Variants in ADCY9 observed in about 807,000 individuals in gnomAD.
ADCY9 encodes the protein adenylate cyclase type 9.
ADCY9 carries 50 observed loss-of-function variants against 101.5 expected under a neutral mutation model. The ratio of observed to expected loss-of-function variants is 0.49; its 90% CI spans 0.39 to 0.62. The LOEUF (loss-of-function observed/expected upper bound fraction) is 0.62, where lower values mean the gene tolerates loss of function less well. ADCY9 is among the 20% of genes least tolerant of loss of function. The pLI, the probability that ADCY9 is intolerant of heterozygous loss-of-function variation, is 0.00. For missense variants in ADCY9, 1,662 were observed against 1,800.4 expected (o/e 0.92, Z 1.39); for synonymous variants, 905 against 769.3 (o/e 1.18, Z -2.92).
intron 3 of ADCY9, among the ~76,000 whole-genome samples, chr16:4,001,760 T>A (rs1002183189): frequency 8.3e-5 from 12 of 143,976 alleles, no homozygotes; most frequent in African/African-American, 2.3e-4. Context: ...TTATTGTTTT[T>A]TTTTTTTGAG....
intron 2 of ADCY9, among the ~76,000 whole-genome samples, chr16:4,106,945 C>A (rs779414212): frequency 6.6e-6 from 1 of 152,230 alleles, no homozygotes; most frequent in Non-Finnish European, 1.5e-5. Flanking sequence ...AGGCATTCTA[C>A]CTGAAAAGAC....
intron 2 of ADCY9, among the ~76,000 whole-genome samples, chr16:4,035,060 A>T (rs965096746): frequency 8.5e-5 from 13 of 152,226 alleles, no homozygotes; most frequent in Non-Finnish European, 1.8e-4. Flanking sequence ...CGTCTTCTAG[A>T]CAAGCCAAAT....
chr16:4,031,350 T>C (rs1555510659), intron 2 of ADCY9, among the ~76,000 whole-genome samples: 3 of 152,142 alleles, frequency 2.0e-5, no homozygotes, highest in Admixed American at 2.0e-4. Context: ...AGGACAAATA[T>C]AGATACACAC....
At chr16:3,995,686 A>C (rs17136664) in intron 3 of ADCY9, among the ~76,000 whole-genome samples, 5,730 of 151,938 alleles carry the variant, frequency 0.038, 177 homozygotes, top group Admixed American at 0.073. Context: ...GAGGCCAGAT[A>C]TTATTTTGGA....
At chr16:3,995,715 C>G (rs1448917637) in intron 3 of ADCY9, among the ~76,000 whole-genome samples, 1 of 151,640 alleles carries the variant, frequency 6.6e-6, no homozygotes, top group African/African-American at 2.4e-5. Flanking sequence ...GTAAGTGTCA[C>G]TACCTAAGGG....
chr16:3,969,569 A>AATACATATATAT lies in ADCY9; in HGVS notation c.2871-2604_2871-2603insATATATATGTAT, dbSNP rs1451993942. 1.6e-3 allele frequency among the ~76,000 whole-genome samples: 72 copies of AATACATATATAT among 45,238 alleles called. 4 individuals carry two copies. Among genetic ancestry groups the AATACATATATAT allele is most frequent in the Non-Finnish European group, 3.0e-3 (68 of 22,772 alleles). 29.7% of individuals were successfully genotyped at this position (45,238 alleles called of 152,430 possible). Reference sequence around the variant, plus strand: ...GCACAATTTCTTAAAGTTTGTTTGAAATATATATATATATATATATATATA... The same window carrying AATACATATATAT: ...GCACAATTTCTTAAAGTTTGTTTGAAATACATATATATATATATATATATATATATATATATA... On this transcript the variant is annotated intron_variant, in intron 10 of 10. Transcript: ENST00000294016.
In ADCY9 at chr16:3,992,413, G is replaced by A; in HGVS notation, c.1990-50C>T. ...GACACGGGAAGTGAAGTGGCACCGG[G>A]CACTGGGCACACACGCCTGTCCCAC... On this transcript the variant is annotated intron_variant, in intron 4 of 10. Coordinates refer to ENST00000294016, the MANE Select transcript of ADCY9 (RefSeq NM_001116.4). This position sits in a 1 kb window ranked among gnomAD's most constrained non-coding sequence, Gnocchi z 4.2. 1 of 1,543,118 alleles carries A rather than the reference G, an allele frequency of 6.5e-7. No individual in the cohort carries two copies. Among genetic ancestry groups the A allele is most frequent in the Non-Finnish European group, 8.9e-7 (1 of 1,123,614 alleles).
At chr16:3,954,404 G>C (rs146685297) in intron 5 of ADCY9, among the ~76,000 whole-genome samples, 1 of 152,182 alleles carries the variant, frequency 6.6e-6, no homozygotes, top group Non-Finnish European at 1.5e-5. Context: ...GCTGCTGCTG[G>C]GCCAGCCCAG....
intron 2 of ADCY9, among the ~76,000 whole-genome samples, chr16:4,066,207 A>G (rs1159892107): frequency 6.6e-6 from 1 of 152,218 alleles, no homozygotes; most frequent in Non-Finnish European, 1.5e-5. Context: ...TTACAAAACC[A>G]TATAATCGTG....
At chr16:3,969,729 C>G (rs936729622) in intron 10 of ADCY9, among the ~76,000 whole-genome samples, 6 of 150,128 alleles carry the variant, frequency 4.0e-5, no homozygotes, top group African/African-American at 1.5e-4. Context: ...ATCCTCCCGC[C>G]TCAGCCTCCA....
intron 2 of ADCY9, among the ~76,000 whole-genome samples, chr16:4,065,684 T>G (rs2056796904): frequency 6.6e-6 from 1 of 152,210 alleles, no homozygotes; most frequent in African/African-American, 2.4e-5. Flanking sequence ...CAATTCTGCC[T>G]CAGCCTCCCG....
At chr16:4,035,346 T>C (rs2056582074) in intron 2 of ADCY9, among the ~76,000 whole-genome samples, 1 of 152,220 alleles carries the variant, frequency 6.6e-6, no homozygotes, top group Non-Finnish European at 1.5e-5. Context: ...ACAGCTATTA[T>C]ATCTTAATAA....
chr16:3,973,048 C>T (rs534514761), intron 10 of ADCY9, among the ~76,000 whole-genome samples: 10 of 152,172 alleles, frequency 6.6e-5, no homozygotes, highest in African/African-American at 2.4e-4. Flanking sequence ...TATATAAATA[C>T]CTAGTTGTAC....
chr16:4,062,209 T>C (rs1276142728), intron 2 of ADCY9, among the ~76,000 whole-genome samples: 1 of 152,148 alleles, frequency 6.6e-6, no homozygotes, highest in Non-Finnish European at 1.5e-5. Context: ...GAGATGCATA[T>C]TGCAATCCTT....
intron 10 of ADCY9, among the ~76,000 whole-genome samples, chr16:3,970,270 A>G (rs771359436): frequency 6.6e-5 from 10 of 152,148 alleles, no homozygotes; most frequent in Non-Finnish European, 1.3e-4. Flanking sequence ...AGCTCAACCA[A>G]TCTGCCTGCC....
Position 3,956,464 on chromosome 16 carries a change from A to C in ADCY9, c.568-2948T>G, listed in dbSNP as rs1567408332. On this transcript the variant is annotated intron_variant, in intron 5 of 5. Transcript: ENST00000576936. ...CTTCTGTTTCTGTTAAACAGCAGGA[A>C]GGACAAGACACCAGCGCAATGAGCT... is the stretch of plus-strand genomic sequence containing the variant. 4.2e-5 allele frequency among the ~76,000 whole-genome samples: 6 copies of C among 142,202 alleles called. No individual in the cohort carries two copies. In the South Asian group the frequency reaches 1.5e-3, roughly 34 times the overall value. 93.3% of individuals were successfully genotyped at this position (142,202 alleles called of 152,430 possible). A position where few individuals can be genotyped will look rare whatever the true frequency, so the allele number is the denominator to read the frequency against.
intron 2 of ADCY9, among the ~76,000 whole-genome samples, chr16:4,102,774 T>A (rs1017313188): frequency 6.6e-6 from 1 of 151,886 alleles, no homozygotes; most frequent in Non-Finnish European, 1.5e-5. Flanking sequence ...CAGGCTGGAA[T>A]GCAGTGGTGC....
At chr16:4,091,753 C>A (rs529952890) in intron 2 of ADCY9, among the ~76,000 whole-genome samples, 29 of 152,290 alleles carry the variant, frequency 1.9e-4, no homozygotes, top group African/African-American at 7.0e-4. Flanking sequence ...CGCCCAGACT[C>A]GGTAAATCCT....
At chr16:4,097,451 T>TAC (rs2057011061) in intron 2 of ADCY9, among the ~76,000 whole-genome samples, 1 of 30,570 alleles carries the variant, frequency 3.3e-5, no homozygotes, top group Non-Finnish European at 7.2e-5. Flanking sequence ...CATGTGGAGT[T>TAC]ACATATATAT....
Sources: allele counts gnomAD v4.1 joint callset (sites outside exome capture counted in the v4.1 genomes callset), GRCh38; gene constraint gnomAD v4.1.1; non-coding constraint Gnocchi (gnomAD v3.1); transcripts MANE v1.5; gene names NCBI Gene and HGNC (gene_info 2026-07-23, HGNC 2026-07-21).